The following STK10 variants were observed in gnomAD, a reference collection of about 807,000 sequenced individuals.
The protein encoded by STK10 is serine/threonine-protein kinase 10.
In STK10, 78 loss-of-function variants were observed where a neutral mutation model predicts 113.8. That is an observed-to-expected ratio of 0.69 (90% CI 0.57 to 0.83). The LOEUF (loss-of-function observed/expected upper bound fraction) is 0.83. Ranked by LOEUF, STK10 falls within the 40% of genes least tolerant of loss-of-function variation. STK10 has a pLI of 0.00. For missense variants in STK10, 1,109 were observed against 1,280.1 expected (o/e 0.87, Z 2.04); for synonymous variants, 465 against 494.7 (o/e 0.94, Z 0.80).
At chr5:172,114,473 A>ATATATT (rs1226289994) in intron 4 of STK10, 12 of 47,544 alleles carry the variant, frequency 2.5e-4, no homozygotes, top group African/African-American at 4.2e-4. Context: ...ATATATATAT[A>ATATATT]TTTTTTTTTT....
chr5:172,083,149 C>T, intron 10 of STK10, 65 bp from the exon 11 acceptor site: 1 of 1,603,264 alleles, frequency 6.2e-7, no homozygotes. Context: ...ACAATATTTG[C>T]AACTTGGAAC....
intron 1 of STK10, among the ~76,000 whole-genome samples, chr5:172,163,931 G>C (rs1429278943): frequency 6.6e-6 from 1 of 152,120 alleles, no homozygotes; most frequent in Non-Finnish European, 1.5e-5. Flanking sequence ...TAGGCACGTG[G>C]CCAGGCGCGG....
intron 2 of STK10, among the ~76,000 whole-genome samples, chr5:172,135,524 A>G (rs114555617): frequency 0.031 from 4,714 of 151,974 alleles, 276 homozygotes; most frequent in African/African-American, 0.11. Context: ...AAAACAAAAG[A>G]TAAACAACAG....
intron 1 of STK10, among the ~76,000 whole-genome samples, chr5:172,171,961 G>A (rs1050256684): frequency 6.6e-6 from 1 of 152,168 alleles, no homozygotes; most frequent in African/African-American, 2.4e-5. Context: ...GGGAGGGGAG[G>A]TGGGTGGATC....
At chr5:172,144,834 G>A (rs1272666064) in intron 2 of STK10, among the ~76,000 whole-genome samples, 1 of 152,114 alleles carries the variant, frequency 6.6e-6, no homozygotes, top group East Asian at 1.9e-4. Flanking sequence ...GAACATCTAA[G>A]GGATGACTTA....
At chr5:172,101,941 CGA>C (rs1308838906) in intron 7 of STK10, among the ~76,000 whole-genome samples, 1 of 122,450 alleles carries the variant, frequency 8.2e-6, no homozygotes, top group Non-Finnish European at 1.6e-5. Context: ...AGTGTGGGAG[CGA>C]GAGGGGCGAT....
intron 4 of STK10, among the ~76,000 whole-genome samples, chr5:172,113,183 G>A (rs3111493): frequency 0.16 from 24,384 of 152,076 alleles, 2,281 homozygotes; most frequent in African/African-American, 0.26. Context: ...CCCAGTAGGG[G>A]CCAGGATGTG....
At chr5:172,074,826 C>T (rs1216967556) in intron 12 of STK10, among the ~76,000 whole-genome samples, 10 of 152,164 alleles carry the variant, frequency 6.6e-5, no homozygotes, top group Non-Finnish European at 1.3e-4. Context: ...TAAGGCCAGC[C>T]TGGCCAACAT....
chr5:172,132,552 G>A (rs1367782152), intron 2 of STK10, among the ~76,000 whole-genome samples: 2 of 152,060 alleles, frequency 1.3e-5, no homozygotes, highest in Non-Finnish European at 2.9e-5. Flanking sequence ...TCTAAGCCCT[G>A]ATCAAGTCCA....
chr5:172,095,381 G>A (rs1768824872), intron 8 of STK10, among the ~76,000 whole-genome samples: 1 of 152,150 alleles, frequency 6.6e-6, no homozygotes, highest in African/African-American at 2.4e-5. Context: ...AGACAATGAG[G>A]CCAGGTGTGA....
rs566415012 is a variant in STK10, at chr5:172,123,561, G to C, written c.370+3812C>G. Among the ~76,000 whole-genome samples, 19 of 152,292 alleles carry C rather than the reference G, an allele frequency of 1.2e-4. No individual in the cohort carries two copies. The East Asian group carries it at 3.5e-3, about 28-fold the overall frequency. Reference sequence around the variant, plus strand: ...AAGCTGCATACCAGGGGACACAGAGGGGGTGCTAGCTGGCTTCCATTTTCC... The same window carrying C: ...AAGCTGCATACCAGGGGACACAGAGCGGGTGCTAGCTGGCTTCCATTTTCC... On this transcript the variant is annotated intron_variant, in intron 3 of 18. Coordinates refer to ENST00000176763, the MANE Select transcript of STK10 (RefSeq NM_005990.4).
chr5:172,166,900 G>A (rs1318770057), intron 1 of STK10, among the ~76,000 whole-genome samples: 1 of 152,064 alleles, frequency 6.6e-6, no homozygotes, highest in Non-Finnish European at 1.5e-5. Flanking sequence ...GGTGGCTCGT[G>A]CCTGTAATCC....
At chr5:172,151,312 G>C (rs908721836) in intron 2 of STK10, among the ~76,000 whole-genome samples, 24 of 152,128 alleles carry the variant, frequency 1.6e-4, no homozygotes, top group Admixed American at 1.4e-3. Flanking sequence ...AGGCTTCAGA[G>C]GCCGACCTTT....
chr5:172,050,365 G>A (rs924935155), intron 18 of STK10, among the ~76,000 whole-genome samples: 3 of 152,036 alleles, frequency 2.0e-5, no homozygotes, highest in African/African-American at 4.8e-5. Context: ...GGCTGAACTC[G>A]CCACTTGATT....
chr5:172,074,371 C>T lies in STK10; in HGVS notation c.1989+7955G>A, dbSNP rs773275535. Among the ~76,000 whole-genome samples the T allele has an allele frequency of 1.2e-4, 18 of 152,232 alleles. No homozygotes were observed. In the Middle Eastern group the frequency reaches 0.014, roughly 115 times the overall value. ...ATAGATCGGTGAAACAGCAGAGAATCCAGAAATACCACATACAAGTATATG... is the reference window on the plus strand; with the variant it reads ...ATAGATCGGTGAAACAGCAGAGAATTCAGAAATACCACATACAAGTATATG... On this transcript the variant is annotated intron_variant, in intron 12 of 18. Transcript: ENST00000176763.
chr5:172,147,982 C>T (rs1318535919), intron 2 of STK10, among the ~76,000 whole-genome samples: 3 of 152,142 alleles, frequency 2.0e-5, no homozygotes, highest in Non-Finnish European at 4.4e-5. Flanking sequence ...AGCCTGTGGG[C>T]GTGGTTCACA....
At chr5:172,077,731 G>A (rs1264333674) in intron 12 of STK10, among the ~76,000 whole-genome samples, 1 of 150,654 alleles carries the variant, frequency 6.6e-6, no homozygotes, top group Non-Finnish European at 1.5e-5. Context: ...GGTCCCAGGA[G>A]GCTTCTCAAA....
At chr5:172,125,671 C>A (rs1016982901) in intron 3 of STK10, among the ~76,000 whole-genome samples, 2 of 152,174 alleles carry the variant, frequency 1.3e-5, no homozygotes, top group Admixed American at 1.3e-4. Flanking sequence ...AGGCGTGAGC[C>A]ACCACACCCA....
At position 172,055,650 on chromosome 5, in the gene STK10, T is replaced by C; in HGVS notation, c.2464A>G (p.Lys822Glu). 2 of 1,575,874 alleles carry C rather than the reference T, an allele frequency of 1.3e-6. No individual in the cohort carries two copies. Among genetic ancestry groups the C allele is most frequent in the South Asian group, 1.2e-5 (1 of 86,220 alleles). Residue 822 changes from lysine (K) to glutamate (E), a missense_variant, in exon 16 of 19, where the codon AAG (lysine) becomes GAG (glutamate). Lys to Glu is a moderately conservative substitution (Grantham distance 56). Transcript: ENST00000176763. ...SEGKTRMAMYKKSLHINGGGS... is the reference protein window; with the variant it reads ...SEGKTRMAMYEKSLHINGGGS... Reference sequence around the variant, plus strand: ...CCGCCGTTGATGTGGAGGCTCTTCTTGTACATGGCCATGCGCGTCTTGCCC... The same window carrying C: ...CCGCCGTTGATGTGGAGGCTCTTCTCGTACATGGCCATGCGCGTCTTGCCC...
Sources: gnomAD v4.1 joint callset for allele counts (sites outside exome capture counted in the v4.1 genomes callset) on GRCh38, gnomAD v4.1.1 for gene constraint, MANE v1.5 for transcripts, NCBI Gene and HGNC (gene_info 2026-07-23, HGNC 2026-07-21) for gene names.